GTF2IRD1: variants seen among roughly 807,000 people sequenced by gnomAD.
The protein encoded by GTF2IRD1 is general transcription factor II-I repeat domain-containing protein 1.
In GTF2IRD1, 26 loss-of-function variants were observed where a neutral mutation model predicts 113.2. That is an observed-to-expected ratio of 0.23 (90% confidence interval 0.17 to 0.32). GTF2IRD1 has a LOEUF of 0.32. Ranked by LOEUF, GTF2IRD1 falls within the 10% of genes least tolerant of loss-of-function variation. GTF2IRD1 has a pLI of 1.00. For synonymous variants in GTF2IRD1, 484 were observed against 529.1 expected (o/e 0.91, Z 1.17); for missense variants, 864 against 1,280.8 (o/e 0.67, Z 4.97).
chr7:74,581,738 T>C (rs1269352402), intron 22 of GTF2IRD1, among the ~76,000 whole-genome samples: 1 of 152,206 alleles, frequency 6.6e-6, no homozygotes, highest in Non-Finnish European at 1.5e-5. Context: ...CTGGGCACGA[T>C]GGCTCACGCC....
chr7:74,519,599 G>A lies in GTF2IRD1; in HGVS notation c.796G>A (p.Ala266Thr), dbSNP rs1480640371. 3.0e-5 allele frequency: 48 copies of A among 1,612,140 alleles called. No individual in the cohort carries two copies. The highest frequency in any genetic ancestry group is 5.0e-5 in the Admixed American group (3 of 59,880). The change falls in exon 6 of 27, where the codon GCC (alanine) becomes ACC (threonine). Residue 266 changes from alanine to threonine, a missense_variant. Physicochemically the swap from Ala to Thr is moderately conservative, Grantham distance 58 (BLOSUM62 0). Around this residue, in one of 7 missense-constraint regions of GTF2IRD1, gnomAD observed 195 missense variants for 196.6 expected, o/e 0.99. Coordinates refer to ENST00000424337, the MANE Select transcript of GTF2IRD1 (RefSeq NM_005685.4). Reference sequence around the variant, plus strand: ...GTACAGCACGGCGCTCCCCAACCACGCCATCCGAGAGCTCAAGCAGGAAGC... The same window carrying A: ...GTACAGCACGGCGCTCCCCAACCACACCATCCGAGAGCTCAAGCAGGAAGC... The part of the protein sequence containing the change: ...FLYSTALPNH[A>T]IRELKQEAPS...
At chr7:74,482,123 T>C (rs1562787736) in intron 1 of GTF2IRD1, among the ~76,000 whole-genome samples, 1 of 152,126 alleles carries the variant, frequency 6.6e-6, no homozygotes, top group Admixed American at 6.5e-5. Flanking sequence ...GTACCATCTG[T>C]AGTTGCAGGG....
chr7:74,521,108 G>A (rs1797268963), intron 6 of GTF2IRD1, 100 bp from the exon 7 acceptor site: 1 of 687,540 alleles, frequency 1.5e-6, no homozygotes. Flanking sequence ...CCTGGCAGAT[G>A]AGGCTGTTAC....
intron 22 of GTF2IRD1, among the ~76,000 whole-genome samples, chr7:74,568,471 A>AC (rs782216440): frequency 1.3e-5 from 2 of 152,018 alleles, no homozygotes; most frequent in Non-Finnish European, 2.9e-5. Context: ...ACACAGTGAA[A>AC]CCCCGTCTCT....
chr7:74,574,346 A>G (rs1263017441), intron 22 of GTF2IRD1, among the ~76,000 whole-genome samples: 1 of 150,172 alleles, frequency 6.7e-6, no homozygotes, highest in Non-Finnish European at 1.5e-5. Flanking sequence ...ATCTTGCTTC[A>G]TTGCCCAGGC....
At chr7:74,571,469 G>GC (rs1211301186) in intron 22 of GTF2IRD1, among the ~76,000 whole-genome samples, 1 of 152,216 alleles carries the variant, frequency 6.6e-6, no homozygotes, top group Non-Finnish European at 1.5e-5. Context: ...ACTGGTCGGG[G>GC]CCAAGCTCTT....
intron 1 of GTF2IRD1, among the ~76,000 whole-genome samples, chr7:74,456,425 T>C (rs1451117408): frequency 1.3e-5 from 2 of 152,200 alleles, no homozygotes; most frequent in East Asian, 1.9e-4. Context: ...GGCTCACGCC[T>C]GTAATCCCAG....
chr7:74,523,925 G>C, intron 7 of GTF2IRD1, 146 bp from the exon 8 acceptor site: 1 of 642,136 alleles, frequency 1.6e-6, no homozygotes, highest in South Asian at 1.7e-5. Flanking sequence ...ATTCGTGTAT[G>C]GTCCGAGGTG....
Position 74,514,308 on chromosome 7 carries a change from C to A in GTF2IRD1, c.266-1133C>A, listed in dbSNP as rs571174511. ...GGTGCAGCCGCATCCCCAGCCAGCCCCCCACCCCCCTCAGCCCTCAGAGCC... is the reference window on the plus strand; with the variant it reads ...GGTGCAGCCGCATCCCCAGCCAGCCACCCACCCCCCTCAGCCCTCAGAGCC... On this transcript the variant is annotated intron_variant, in intron 3 of 26. Transcript: ENST00000424337. 3.3e-5 allele frequency among the ~76,000 whole-genome samples: 5 copies of A among 152,214 alleles called. No individual in the cohort carries two copies. The East Asian group carries it at 9.7e-4, about 29-fold the overall frequency.
rs1797148782 is a variant in GTF2IRD1 at position 74,519,655 on chromosome 7, G to C, written c.852G>C (p.Leu284=). ...APSCPLAPSD[L]GLSRPMPEPK... ...CCTGCCCCCTTGCCCCCAGCGACCTGGGCCTGAGTCGGCCCATGCCAGAGC... is the reference window on the plus strand; with the variant it reads ...CCTGCCCCCTTGCCCCCAGCGACCTCGGCCTGAGTCGGCCCATGCCAGAGC... The change falls in exon 6 of 27, where the codon CTG becomes CTC. Residue 284 remains leucine (L), a synonymous_variant. Coordinates refer to ENST00000424337, the MANE Select transcript of GTF2IRD1 (RefSeq NM_005685.4). 6 of 1,609,512 alleles carry C rather than the reference G, an allele frequency of 3.7e-6. No homozygotes were observed.
chr7:74,588,371 G>A (rs1223180183), intron 22 of GTF2IRD1, among the ~76,000 whole-genome samples: 1 of 152,020 alleles, frequency 6.6e-6, no homozygotes, highest in Non-Finnish European at 1.5e-5. Context: ...GCCTCCCTCA[G>A]TGCTGGGGTT....
intron 17 of GTF2IRD1, 130 bp downstream of exon 17, chr7:74,547,416 A>G: frequency 4.5e-6 from 2 of 440,118 alleles, no homozygotes; most frequent in Non-Finnish European, 8.3e-6. Context: ...CACAGGTGTG[A>G]GGTGTGTGCC....
intron 22 of GTF2IRD1, among the ~76,000 whole-genome samples, chr7:74,588,629 C>T (rs1801871863): frequency 1.3e-5 from 2 of 152,062 alleles, no homozygotes; most frequent in Non-Finnish European, 2.9e-5. Context: ...CTTCCAGGCT[C>T]AAGTGATTCT....
chr7:74,520,171 T>G (rs1554345635), intron 6 of GTF2IRD1, among the ~76,000 whole-genome samples: 1 of 139,912 alleles, frequency 7.1e-6, no homozygotes. Context: ...TCACGTGCTA[T>G]AAAGGAAGTA....
chr7:74,590,157 T>C (rs587686438), intron 23 of GTF2IRD1, among the ~76,000 whole-genome samples: 1 of 152,122 alleles, frequency 6.6e-6, no homozygotes, highest in Admixed American at 6.6e-5. Context: ...CTCCGCTCAC[T>C]GCAGCCTTCA....
At chr7:74,528,840 TGGATGAAA>T (rs1797772690) in intron 8 of GTF2IRD1, among the ~76,000 whole-genome samples, 1 of 142,448 alleles carries the variant, frequency 7.0e-6, no homozygotes, top group Admixed American at 7.0e-5. Context: ...GATGGATGGA[TGGATGAAA>T]GGATGGATGG....
chr7:74,559,804 GAGTC>G (rs1222236504), intron 22 of GTF2IRD1, 149 bp downstream of exon 22: 1 of 589,230 alleles, frequency 1.7e-6, no homozygotes, highest in Non-Finnish European at 2.8e-6. Context: ...TTCTGAGGCA[GAGTC>G]CTTCTCTGTC....
chr7:74,515,225 CCCAGCCCTGGGAACTCTGAGATGA>C, intron 3 of GTF2IRD1, 192 bp from the exon 4 acceptor site: 1 of 899,570 alleles, frequency 1.1e-6, no homozygotes, highest in East Asian at 2.7e-5. Context: ...AGAGGTGAGG[CCCAGCCCTGGGAACTCTGAGATGA>C]CCAGCCCTGG....
At chr7:74,578,468 G>A (rs1233335588) in intron 22 of GTF2IRD1, among the ~76,000 whole-genome samples, 2 of 152,166 alleles carry the variant, frequency 1.3e-5, no homozygotes, top group Non-Finnish European at 2.9e-5. Context: ...GAGCCACCGC[G>A]CCCAGCCTAT....
Sources: allele counts gnomAD v4.1 joint callset (sites outside exome capture counted in the v4.1 genomes callset), GRCh38; gene constraint gnomAD v4.1.1; regional missense constraint gnomAD v4.1.1; transcripts MANE v1.5; gene names NCBI Gene and HGNC (gene_info 2026-07-23, HGNC 2026-07-21).